Variants in ZFHX4 observed in about 807,000 individuals in gnomAD.
ZFHX4 encodes the protein zinc finger homeobox protein 4.
A neutral mutation model predicts 267.6 loss-of-function variants in ZFHX4; 56 were observed. The observed-to-expected ratio is 0.21, with a 90% CI of 0.17 to 0.26. The LOEUF is 0.26. Ranked by LOEUF, ZFHX4 falls within the 10% of genes least tolerant of loss-of-function variation. ZFHX4 has a pLI of 1.00. For synonymous variants in ZFHX4, 1,778 were observed against 1,665.6 expected (o/e 1.07, Z -1.64); for missense variants, 4,332 against 4,420.0 (o/e 0.98, Z 0.56).
At chr8:76,788,728 T>G (rs1373714258) in intron 4 of ZFHX4, among the ~76,000 whole-genome samples, 2 of 152,194 alleles carry the variant, frequency 1.3e-5, no homozygotes, top group African/African-American at 4.8e-5. Flanking sequence ...CTATACAATA[T>G]CAAACCAAAT....
chr8:76,706,545 G>A lies in ZFHX4; in HGVS notation c.2457G>A (p.Glu819=). 6.2e-7 allele frequency: 1 copy of A among 1,613,042 alleles called. No individual in the cohort carries two copies. The highest frequency in any genetic ancestry group is 8.5e-7 in the Non-Finnish European group (1 of 1,179,578). Residue 819 remains glutamate, a synonymous_variant, in exon 2 of 11, where the codon GAG becomes GAA. Transcript: ENST00000651372. ...LHLGLAPAEA[E]LYQYYLAQNI... is the part of the protein sequence containing the mutation. ...TGGGCCTCGCCCCGGCGGAAGCAGA[G>A]CTTTATCAGTACTACCTAGCCCAGA...
At chr8:76,799,920 C>T (rs568054895) in intron 4 of ZFHX4, among the ~76,000 whole-genome samples, 7 of 152,220 alleles carry the variant, frequency 4.6e-5, no homozygotes, top group Non-Finnish European at 7.4e-5. Context: ...AACGAAATTC[C>T]GAGTTTGGTG....
chr8:76,736,219 A>G (rs373374700), intron 3 of ZFHX4, among the ~76,000 whole-genome samples: 2 of 152,032 alleles, frequency 1.3e-5, no homozygotes, highest in East Asian at 1.9e-4. Context: ...TGGTTAATAT[A>G]AAAGTGTAGT....
chr8:76,745,832 T>C (rs1809444449), intron 3 of ZFHX4, among the ~76,000 whole-genome samples: 1 of 152,224 alleles, frequency 6.6e-6, no homozygotes, highest in Non-Finnish European at 1.5e-5. Context: ...GAAATGATAT[T>C]CAACTAAACA....
chr8:76,705,972 T>C lies in ZFHX4; in HGVS notation c.1884T>C (p.Leu628=), dbSNP rs1193712838. The stretch of plus-strand genomic sequence containing the variant: ...CTGTGTTGGGGTCTTCGAGGTCTCT[T>C]GGTGGTCATATGACTATGATGCACT... The part of the protein sequence containing the change: ...CDTVLGSSRS[L]GGHMTMMHSR... The change falls in exon 2 of 11, where the codon CTT becomes CTC. Residue 628 remains leucine (L), a synonymous_variant. Transcript: ENST00000651372. 1 of 1,612,276 alleles carries C rather than the reference T, an allele frequency of 6.2e-7. No homozygotes were observed. The highest frequency in any genetic ancestry group is 1.7e-4 in the Middle Eastern group (1 of 6,032).
At chr8:76,786,222 C>A (rs1047962374) in intron 4 of ZFHX4, among the ~76,000 whole-genome samples, 1 of 151,804 alleles carries the variant, frequency 6.6e-6, no homozygotes, top group Non-Finnish European at 1.5e-5. Flanking sequence ...TGAGACAGAA[C>A]TTTTAAAAAA....
At chr8:76,845,402 G>A (rs1462060923) in intron 6 of ZFHX4, among the ~76,000 whole-genome samples, 1 of 151,896 alleles carries the variant, frequency 6.6e-6, no homozygotes, top group Non-Finnish European at 1.5e-5. Flanking sequence ...TGGCTAAGGG[G>A]ACCACTTTTT....
At chr8:76,834,812 T>C (rs1812027562) in intron 5 of ZFHX4, among the ~76,000 whole-genome samples, 1 of 152,018 alleles carries the variant, frequency 6.6e-6, no homozygotes, top group South Asian at 2.1e-4. Context: ...TCTAAAAAAT[T>C]GTTGCCAAAC....
intron 4 of ZFHX4, among the ~76,000 whole-genome samples, chr8:76,812,414 A>G (rs1811400897): frequency 2.0e-5 from 3 of 152,200 alleles, no homozygotes; most frequent in Admixed American, 2.0e-4. Context: ...CAACCTTAGC[A>G]GTGGAACTCT....
intron 1 of ZFHX4, among the ~76,000 whole-genome samples, chr8:76,694,973 T>G (rs1437168259): frequency 2.0e-5 from 3 of 150,976 alleles, no homozygotes; most frequent in Non-Finnish European, 4.4e-5. Flanking sequence ...GACCAATGAG[T>G]GTATGAGTGC....
chr8:76,783,496 C>A (rs7007731), intron 4 of ZFHX4, among the ~76,000 whole-genome samples: 1 of 151,688 alleles, frequency 6.6e-6, no homozygotes, highest in African/African-American at 2.4e-5. Context: ...TAAAAAAGTA[C>A]ATATTGATTT....
chr8:76,684,253 T>TAAA (rs79967444), intron 1 of ZFHX4, among the ~76,000 whole-genome samples: 3 of 146,946 alleles, frequency 2.0e-5, no homozygotes, highest in African/African-American at 7.5e-5. Context: ...TTCCTCATCT[T>TAAA]AAAAAAAAAA....
At chr8:76,698,733 A>T (rs1808022254) in intron 1 of ZFHX4, among the ~76,000 whole-genome samples, 1 of 152,142 alleles carries the variant, frequency 6.6e-6, no homozygotes, top group African/African-American at 2.4e-5. Context: ...ACATACTCAT[A>T]CTTGTCTTTG....
chr8:76,824,630 T>C (rs1367622108), intron 4 of ZFHX4, among the ~76,000 whole-genome samples: 1 of 152,214 alleles, frequency 6.6e-6, no homozygotes, highest in African/African-American at 2.4e-5. Context: ...TAGAGTGCAG[T>C]AGCATGAGTA....
intron 1 of ZFHX4, among the ~76,000 whole-genome samples, chr8:76,700,077 A>G (rs1013648984): frequency 6.6e-6 from 1 of 152,148 alleles, no homozygotes; most frequent in Non-Finnish European, 1.5e-5. Context: ...CAGCAGAGAC[A>G]GTGATGACCT....
Position 76,708,306 on chromosome 8 carries a change from A to G in ZFHX4, c.3093+258A>G, listed in dbSNP as rs373027946. 105 of 505,656 alleles carry G rather than the reference A, an allele frequency of 2.1e-4. No individual in the cohort carries two copies. In the East Asian group the frequency reaches 2.9e-3, roughly 14 times the overall value. 31.3% of individuals were successfully genotyped at this position (505,656 alleles called of 1,614,324 possible). A position where few individuals can be genotyped will look rare whatever the true frequency, so the allele number is the denominator to read the frequency against. On this transcript the variant is annotated intron_variant, in intron 3 of 10. Coordinates refer to ENST00000651372, the MANE Select transcript of ZFHX4 (RefSeq NM_024721.5). ...TTTCTTCACTGGCTTCCCCAAAATA[A>G]AAGAATTTGGGGGATAGTGTTATAT...
intron 1 of ZFHX4, among the ~76,000 whole-genome samples, chr8:76,684,399 A>G (rs1255190142): frequency 6.6e-6 from 1 of 152,174 alleles, no homozygotes; most frequent in East Asian, 1.9e-4. Context: ...TAAGGTTTAT[A>G]CAGTTCTTTT....
chr8:76,770,361 T>A lies in ZFHX4; in HGVS notation c.3094-7847T>A, dbSNP rs1164376925. Among the ~76,000 whole-genome samples the A allele has an allele frequency of 2.0e-5, 3 of 152,266 alleles. No homozygotes were observed. The East Asian group carries it at 5.8e-4, about 29-fold the overall frequency. On this transcript the variant is annotated intron_variant, in intron 3 of 10. Transcript: ENST00000651372. Reference sequence around the variant, plus strand: ...ATTTTTAATCTTCTTCCTATTGCTCTCCACTATATTCAATCAATTAGGCAA... The same window carrying A: ...ATTTTTAATCTTCTTCCTATTGCTCACCACTATATTCAATCAATTAGGCAA...
At chr8:76,817,303 T>C (rs1811531902) in intron 4 of ZFHX4, among the ~76,000 whole-genome samples, 1 of 152,218 alleles carries the variant, frequency 6.6e-6, no homozygotes, top group Admixed American at 6.5e-5. Flanking sequence ...CTTCTGAGCC[T>C]GCTTCAAAGC....
Sources: allele counts gnomAD v4.1 joint callset (sites outside exome capture counted in the v4.1 genomes callset), GRCh38; gene constraint gnomAD v4.1.1; transcripts MANE v1.5; gene names NCBI Gene and HGNC (gene_info 2026-07-23, HGNC 2026-07-21).